STARD13: variants seen among roughly 807,000 people sequenced by gnomAD.
STARD13 encodes StAR related lipid transfer domain containing 13, also known as stAR-related lipid transfer protein 13.
STARD13 carries 62 observed loss-of-function variants against 106.4 expected under a neutral mutation model. That is an observed-to-expected ratio of 0.58 (90% CI 0.48 to 0.72). The LOEUF (loss-of-function observed/expected upper bound fraction) is 0.72. Ranked by LOEUF, STARD13 falls within the 30% of genes least tolerant of loss-of-function variation. STARD13 has a pLI of 0.00. For synonymous variants in STARD13, 565 were observed against 553.0 expected, an observed-to-expected ratio of 1.02 and a Z score of -0.31; for missense variants, 1,387 against 1,424.0, an observed-to-expected ratio of 0.97 and a Z score of 0.42.
chr13:33,420,321 C>T, the STARD13 span, among the ~76,000 whole-genome samples: 1 of 152,176 alleles, frequency 6.6e-6, no homozygotes, highest in Non-Finnish European at 1.5e-5. Context: ...TCTGAGAAAG[C>T]AGACTTTAAA....
At chr13:33,174,189 G>T (rs1884281150) in intron 1 of STARD13, among the ~76,000 whole-genome samples, 1 of 151,972 alleles carries the variant, frequency 6.6e-6, no homozygotes, top group African/African-American at 2.4e-5. Flanking sequence ...GGAAACCATA[G>T]ATATTACGAC....
At chr13:33,616,167 AGAG>A in the STARD13 span, among the ~76,000 whole-genome samples, 3 of 147,438 alleles carry the variant, frequency 2.0e-5, no homozygotes, top group Admixed American at 2.0e-4. Context: ...AGAGAAGCAA[AGAG>A]GAGGGGAGGG....
the STARD13 span, among the ~76,000 whole-genome samples, chr13:33,585,330 A>G: frequency 6.6e-6 from 1 of 152,248 alleles, no homozygotes; most frequent in Admixed American, 6.5e-5. Flanking sequence ...CTGTACATCT[A>G]TGCTCATAAC....
chr13:33,459,811 A>G, the STARD13 span, among the ~76,000 whole-genome samples: 2 of 152,116 alleles, frequency 1.3e-5, no homozygotes, highest in Non-Finnish European at 2.9e-5. Context: ...TTTATTTGAA[A>G]TATATTTTTT....
chr13:33,169,798 C>T (rs907781105), intron 1 of STARD13, among the ~76,000 whole-genome samples: 8 of 152,176 alleles, frequency 5.3e-5, no homozygotes, highest in South Asian at 2.1e-4. Flanking sequence ...TGAAAGAGTT[C>T]GCACCCCTCC....
chr13:33,228,874 A>T (rs947249272), intron 1 of STARD13, among the ~76,000 whole-genome samples: 5 of 152,244 alleles, frequency 3.3e-5, no homozygotes, highest in African/African-American at 1.2e-4. Flanking sequence ...ACGTAACCTC[A>T]CAGTAAGTAT....
At chr13:33,277,223 G>A (rs1891491107) in intron 1 of STARD13, 1 of 152,092 alleles carries the variant, frequency 6.6e-6, no homozygotes, top group Admixed American at 6.6e-5. Flanking sequence ...CATTCTGTTG[G>A]AGTTTTTGGA....
the STARD13 span, chr13:33,524,259 A>C: frequency 2.4e-5 from 31 of 1,276,582 alleles, no homozygotes; most frequent in Admixed American, 6.8e-4. Flanking sequence ...GTTGAGTTCC[A>C]GTTGACATTT....
chr13:33,439,665 GA>G, the STARD13 span: 4 of 1,232,396 alleles, frequency 3.2e-6, no homozygotes, highest in Non-Finnish European at 4.3e-6. Flanking sequence ...ACATAAACAG[GA>G]AAACATTTTC....
intron 1 of STARD13, among the ~76,000 whole-genome samples, chr13:33,261,846 T>C (rs1044730779): frequency 2.6e-5 from 4 of 152,206 alleles, no homozygotes; most frequent in Non-Finnish European, 4.4e-5. Context: ...GAATGCTTCA[T>C]TCTTTCCAGA....
At chr13:33,409,651 C>T in the STARD13 span, among the ~76,000 whole-genome samples, 2 of 152,168 alleles carry the variant, frequency 1.3e-5, no homozygotes, top group African/African-American at 4.8e-5. Context: ...AAATCCCTGG[C>T]ATGTGAGGGT....
At chr13:33,183,834 C>T (rs367986225) in intron 1 of STARD13, among the ~76,000 whole-genome samples, 46 of 152,270 alleles carry the variant, frequency 3.0e-4, no homozygotes, top group African/African-American at 1.1e-3. Flanking sequence ...AAACCCAATT[C>T]CCCCAGGCTG....
intron 1 of STARD13, among the ~76,000 whole-genome samples, chr13:33,212,536 C>T (rs995240633): frequency 6.6e-5 from 10 of 152,146 alleles, no homozygotes; most frequent in Non-Finnish European, 1.5e-4. Context: ...CTCAGGGGTC[C>T]TGCAGGCAGG....
the STARD13 span, among the ~76,000 whole-genome samples, chr13:33,530,845 C>T: frequency 5.3e-5 from 8 of 152,008 alleles, no homozygotes; most frequent in African/African-American, 1.7e-4. Flanking sequence ...AGATATTTTC[C>T]CTCATTTACT....
intron 3 of STARD13, among the ~76,000 whole-genome samples, chr13:33,157,010 G>T (rs1461695438): frequency 2.6e-5 from 4 of 151,876 alleles, no homozygotes; most frequent in Non-Finnish European, 5.9e-5. Context: ...CATTTTCTGT[G>T]ATAAATATTC....
the STARD13 span, among the ~76,000 whole-genome samples, chr13:33,597,991 C>T: frequency 7.2e-4 from 109 of 152,194 alleles, no homozygotes; most frequent in African/African-American, 2.4e-3. Context: ...TAAGTGAGTG[C>T]CTGAATGATG....
At chr13:33,261,551 T>C (rs1483634246) in intron 1 of STARD13, among the ~76,000 whole-genome samples, 1 of 152,192 alleles carries the variant, frequency 6.6e-6, no homozygotes, top group Non-Finnish European at 1.5e-5. Context: ...CTCATTTTTG[T>C]TCTCCCGGCA....
Position 33,118,274 on chromosome 13 carries a change from G to A in STARD13, c.2083-11C>T. ...GCGAAAAAGACCCACCTGAAACAAA[G>A]CCATAGGGATGTGTCAGCCAGGCCA... On this transcript the variant is annotated splice_polypyrimidine_tract_variant and intron_variant, in intron 7 of 13. Coordinates refer to ENST00000336934, the MANE Select transcript of STARD13 (RefSeq NM_178006.4). 2 of 1,612,332 alleles carry A rather than the reference G, an allele frequency of 1.2e-6. No homozygotes were observed. Among genetic ancestry groups the A allele is most frequent in the African/African-American group, 1.3e-5 (1 of 75,002 alleles).
At chr13:33,364,610 C>G in the STARD13 span, among the ~76,000 whole-genome samples, 5 of 152,204 alleles carry the variant, frequency 3.3e-5, no homozygotes, top group East Asian at 9.6e-4. Context: ...AAAGAGGAGG[C>G]TGGGCGCGGT....
Sources: allele counts gnomAD v4.1 joint callset (sites outside exome capture counted in the v4.1 genomes callset), GRCh38; gene constraint gnomAD v4.1.1; transcripts MANE v1.5; gene names NCBI Gene and HGNC (gene_info 2026-07-23, HGNC 2026-07-21).